RHBDD1: variants seen among roughly 807,000 people sequenced by gnomAD.
RHBDD1 encodes rhomboid-related protein 4.
A neutral mutation model predicts 36.3 loss-of-function variants in RHBDD1; 38 were observed. That is an observed-to-expected ratio of 1.05 (90% CI 0.81 to 1.37). The LOEUF is 1.37. RHBDD1 is among the 40% of genes most tolerant of loss of function. The pLI, the probability that RHBDD1 is intolerant of heterozygous loss-of-function variation, is 0.00. For missense variants in RHBDD1, 393 were observed against 377.6 expected (o/e 1.04, Z -0.34); for synonymous variants, 151 against 136.5 (o/e 1.11, Z -0.74).
At chr2:226,810,253 G>A in the RHBDD1 span, among the ~76,000 whole-genome samples, 11 of 151,950 alleles carry the variant, frequency 7.2e-5, no homozygotes, top group Admixed American at 4.6e-4. Flanking sequence ...AGAAAAGTGA[G>A]TATTGACGGG....
the RHBDD1 span, among the ~76,000 whole-genome samples, chr2:226,807,004 CT>C: frequency 6.6e-6 from 1 of 152,018 alleles, no homozygotes; most frequent in Non-Finnish European, 1.5e-5. Flanking sequence ...TTTTTCACTG[CT>C]TTTTTTTCTT....
chr2:226,906,988 C>A, intron 6 of RHBDD1, 107 bp downstream of exon 6: 2 of 1,096,500 alleles, frequency 1.8e-6, no homozygotes, highest in Non-Finnish European at 2.8e-6. Flanking sequence ...TCAAGAATTC[C>A]CTAATATGCC....
chr2:226,837,647 C>A (rs943963845), intron 1 of RHBDD1: 9 of 152,244 alleles, frequency 5.9e-5, no homozygotes, highest in African/African-American at 2.2e-4. Context: ...AACGATTCTC[C>A]TGCCTCAGCT....
At chr2:226,988,505 G>A (rs1957496336) in intron 8 of RHBDD1, 2 of 1,526,438 alleles carry the variant, frequency 1.3e-6, no homozygotes, top group African/African-American at 1.4e-5. Context: ...CTCAGGCCTT[G>A]CGAGGTGGAT....
At position 226,843,504 on chromosome 2, in the gene RHBDD1, C is replaced by T. The variant is rs180917576; in HGVS notation, c.-91+3877C>T. On this transcript the variant is annotated intron_variant, in intron 3 of 8. Coordinates refer to ENST00000392062, the MANE Select transcript of RHBDD1 (RefSeq NM_001167608.3). ...AGGGATGTTGAATTTTATCGAAGGC[C>T]TTTTCTGCATCAGTTGAGATACTCA... 1.3e-3 allele frequency among the ~76,000 whole-genome samples: 195 copies of T among 152,222 alleles called. 1 individual carries two copies. The highest frequency in any genetic ancestry group is 0.01 in the Admixed American group (153 of 15,284).
intron 8 of RHBDD1, among the ~76,000 whole-genome samples, chr2:226,939,140 G>C (rs907957929): frequency 9.2e-5 from 14 of 151,990 alleles, no homozygotes; most frequent in Non-Finnish European, 1.9e-4. Flanking sequence ...CAAATAATAA[G>C]AGCCATATAT....
At chr2:226,927,334 G>GTTTTTTTTTTTTTTT (rs11453624) in intron 8 of RHBDD1, among the ~76,000 whole-genome samples, 1 of 150,746 alleles carries the variant, frequency 6.6e-6, no homozygotes. Context: ...TATACCAGAA[G>GTTTTTTTTTTTTTTT]TTTTTTTTTG....
intron 4 of RHBDD1, among the ~76,000 whole-genome samples, chr2:226,866,544 T>C (rs1238364820): frequency 6.6e-6 from 1 of 152,188 alleles, no homozygotes; most frequent in African/African-American, 2.4e-5. Flanking sequence ...AGTCTACAGA[T>C]TAGCTGTGTG....
At position 226,883,804 on chromosome 2, in the gene RHBDD1, TAATC is replaced by T. The variant is rs924532470; in HGVS notation, c.566+16490_566+16493del. Among the ~76,000 whole-genome samples, 5 of 152,356 alleles carry T rather than the reference TAATC, an allele frequency of 3.3e-5. No homozygotes were observed. The East Asian group carries it at 5.8e-4, about 18-fold the overall frequency. ...GCCTATGTCATGGGTCAGTAGGTGA[TAATC>T]AATAAATGGATCTAATTCAATTGAG... On this transcript the variant is annotated intron_variant, in intron 5 of 8. Transcript: ENST00000392062.
intron 3 of RHBDD1, among the ~76,000 whole-genome samples, chr2:226,847,423 T>G (rs1329368634): frequency 6.7e-6 from 1 of 150,300 alleles, no homozygotes; most frequent in Non-Finnish European, 1.5e-5. Context: ...TTACATTGAC[T>G]TAACATTTTC....
chr2:226,868,883 A>T, intron 5 of RHBDD1, among the ~76,000 whole-genome samples: 1 of 152,228 alleles, frequency 6.6e-6, no homozygotes, highest in East Asian at 1.9e-4. Context: ...TTGAGAAAGC[A>T]TCCGGTAATG....
intron 8 of RHBDD1, among the ~76,000 whole-genome samples, chr2:226,959,866 A>G (rs1952054299): frequency 6.6e-6 from 1 of 152,018 alleles, no homozygotes; most frequent in Non-Finnish European, 1.5e-5. Context: ...TGTGTTGCCC[A>G]GGCTGGAGTG....
At chr2:226,879,398 G>A (rs1251749449) in intron 5 of RHBDD1, among the ~76,000 whole-genome samples, 2 of 152,194 alleles carry the variant, frequency 1.3e-5, no homozygotes, top group Non-Finnish European at 2.9e-5. Context: ...ATTGTCTTTT[G>A]TTAGAACAAG....
At chr2:226,909,236 A>G (rs901241715) in intron 7 of RHBDD1, among the ~76,000 whole-genome samples, 2 of 152,194 alleles carry the variant, frequency 1.3e-5, no homozygotes, top group African/African-American at 2.4e-5. Context: ...ATAGTTCTCC[A>G]TGGCCCATCC....
At chr2:226,923,891 C>T (rs2125791773) in intron 8 of RHBDD1, among the ~76,000 whole-genome samples, 1 of 152,214 alleles carries the variant, frequency 6.6e-6, no homozygotes, top group African/African-American at 2.4e-5. Flanking sequence ...GGGAATCTCT[C>T]CCTTCAGGGA....
rs143366683 is a variant in RHBDD1 at position 226,972,174 on chromosome 2, C to T, written c.857-23257C>T. On this transcript the variant is annotated intron_variant, in intron 8 of 8. Transcript: ENST00000392062. ...ACTCCCACTTACGAGTGAGAACATG[C>T]GGTGTTTGGTTTTCTGTTCCTGTGT... Among the ~76,000 whole-genome samples, 537 of 152,208 alleles carry T rather than the reference C, an allele frequency of 3.5e-3. 7 individuals carry two copies. Among genetic ancestry groups the T allele is most frequent in the Non-Finnish European group, 3.9e-3 (268 of 68,000 alleles).
rs181748284 is a variant in RHBDD1, at chr2:226,925,812, T to C, written c.856+11461T>C. On this transcript the variant is annotated intron_variant, in intron 8 of 8. Transcript: ENST00000392062. Reference sequence around the variant, plus strand: ...ATAAGCTTGGGAAATATGTAATTAATTGGTTTCTTAATTGCAGAGCTAATT... The same window carrying C: ...ATAAGCTTGGGAAATATGTAATTAACTGGTTTCTTAATTGCAGAGCTAATT... Among the ~76,000 whole-genome samples, 9 of 152,318 alleles carry C rather than the reference T, an allele frequency of 5.9e-5. No individual in the cohort carries two copies. The East Asian group carries it at 1.7e-3, about 29-fold the overall frequency.
At chr2:226,858,554 A>T (rs1412029863) in intron 3 of RHBDD1, among the ~76,000 whole-genome samples, 1 of 152,200 alleles carries the variant, frequency 6.6e-6, no homozygotes, top group Non-Finnish European at 1.5e-5. Flanking sequence ...TTGAACATTT[A>T]AATCTGGAAA....
At chr2:226,898,684 C>A (rs1420680065) in intron 5 of RHBDD1, among the ~76,000 whole-genome samples, 1 of 152,196 alleles carries the variant, frequency 6.6e-6, no homozygotes, top group Non-Finnish European at 1.5e-5. Flanking sequence ...CTGTCAGAAT[C>A]TTTCCTAGTG....
Sources: allele counts gnomAD v4.1 joint callset (sites outside exome capture counted in the v4.1 genomes callset), GRCh38; gene constraint gnomAD v4.1.1; transcripts MANE v1.5; gene names NCBI Gene and HGNC (gene_info 2026-07-23, HGNC 2026-07-21).